Variants in PSKH1 observed in about 807,000 individuals in gnomAD.
PSKH1 encodes serine/threonine-protein kinase H1.
PSKH1 carries 12 observed loss-of-function variants against 26.7 expected under a neutral mutation model. The ratio of observed to expected loss-of-function variants is 0.45; its 90% CI spans 0.29 to 0.73. The LOEUF (loss-of-function observed/expected upper bound fraction) is 0.73. Among genes scored for constraint, PSKH1 ranks in the 30% least tolerant of loss-of-function variants. PSKH1 has a pLI of 0.11. For synonymous variants in PSKH1, 213 were observed against 234.3 expected (o/e 0.91, Z 0.83); for missense variants, 431 against 595.2 (o/e 0.72, Z 2.87).
chr16:67,927,794 C>T lies in PSKH1; in HGVS notation c.*152C>T. The T allele has an allele frequency of 1.1e-6, 1 of 937,728 alleles. No homozygotes were observed. The highest frequency in any genetic ancestry group is 1.6e-6 in the Non-Finnish European group (1 of 642,358). The allele number at this position is 937,728 out of a possible 1,614,324, so 58.1% of individuals were successfully genotyped here. A position where few individuals can be genotyped will look rare whatever the true frequency, so the allele number is the denominator to read the frequency against. ...AGCCCTTTCTCTGTGCCTTCAGCAGCCCCTGTCCTCACCATGGGCCTGGGC... is the reference window on the plus strand; with the variant it reads ...AGCCCTTTCTCTGTGCCTTCAGCAGTCCCTGTCCTCACCATGGGCCTGGGC... On this transcript the variant is annotated 3_prime_UTR_variant, in exon 3 of 3. Coordinates refer to ENST00000291041, the MANE Select transcript of PSKH1 (RefSeq NM_006742.3). The surrounding 1 kb of genome is among the most constrained non-coding windows in gnomAD (Gnocchi z 5.5).
intron 1 of PSKH1, among the ~76,000 whole-genome samples, chr16:67,906,364 G>A (rs141231719): frequency 0.03 from 4,461 of 146,664 alleles, 92 homozygotes; most frequent in Middle Eastern, 0.19. Flanking sequence ...GAGCCTCCGC[G>A]CCCAGCCTTT....
chr16:67,909,749 T>C lies in PSKH1; in HGVS notation c.957+43T>C. On this transcript the variant is annotated intron_variant, in intron 2 of 2. Coordinates refer to ENST00000291041, the MANE Select transcript of PSKH1 (RefSeq NM_006742.3). The surrounding 1 kb of genome is among the most constrained non-coding windows in gnomAD (Gnocchi z 7.8). ...CTGTCCTGGATGTTGGGGAGGCACC[T>C]GCGGGGGCAGGTATATCCTGCAGCT... 1 of 1,560,170 alleles carries C rather than the reference T, an allele frequency of 6.4e-7. No individual in the cohort carries two copies. The highest frequency in any genetic ancestry group is 1.1e-5 in the South Asian group (1 of 88,490).
At position 67,922,088 on chromosome 16, in the gene PSKH1, G is replaced by A. The variant is rs147541477; in HGVS notation, c.958-5237G>A. Among the ~76,000 whole-genome samples, 219 of 150,572 alleles carry A rather than the reference G, an allele frequency of 1.5e-3. 1 individual carries two copies. The highest frequency in any genetic ancestry group is 4.5e-3 in the African/African-American group (185 of 40,866). On this transcript the variant is annotated intron_variant, in intron 2 of 2. Coordinates refer to ENST00000291041, the MANE Select transcript of PSKH1 (RefSeq NM_006742.3). ...CTTTTCTGTTGCTTGCCCCTCACCC[G>A]CCCTCTGCCGAGTCCCAGGGTGGTA... is the stretch of plus-strand genomic sequence containing the variant.
At chr16:67,903,978 T>G (rs920948419) in intron 1 of PSKH1, among the ~76,000 whole-genome samples, 3 of 150,860 alleles carry the variant, frequency 2.0e-5, no homozygotes, top group Non-Finnish European at 4.4e-5. Context: ...GCCTCCAAAG[T>G]AACTGGGACT....
intron 2 of PSKH1, among the ~76,000 whole-genome samples, chr16:67,917,936 G>C (rs1052794109): frequency 6.6e-6 from 1 of 152,214 alleles, no homozygotes; most frequent in Non-Finnish European, 1.5e-5. Flanking sequence ...GGGCATGCTG[G>C]AAGTGGTGGG....
chr16:67,923,510 G>A (rs1050691688), intron 2 of PSKH1, among the ~76,000 whole-genome samples: 31 of 152,228 alleles, frequency 2.0e-4, no homozygotes, highest in African/African-American at 7.2e-4. Context: ...GAGAGTGGAG[G>A]CTGTCACCCT....
At chr16:67,894,351 G>T (rs1010438517) in intron 1 of PSKH1, among the ~76,000 whole-genome samples, 2 of 152,268 alleles carry the variant, frequency 1.3e-5, no homozygotes, top group South Asian at 4.1e-4. Flanking sequence ...CAGGGAGTCT[G>T]GCTTTGTTGC....
chr16:67,896,535 C>CTTTTTTTT (rs959626962), intron 1 of PSKH1, among the ~76,000 whole-genome samples: 4 of 80,952 alleles, frequency 4.9e-5, no homozygotes, highest in African/African-American at 2.1e-4. Flanking sequence ...TAGTGTGCTT[C>CTTTTTTTT]TTTTTTTTTT....
chr16:67,910,043 A>C lies in PSKH1; in HGVS notation c.957+337A>C, dbSNP rs1333768097. ...GCCACTGGGAACCTTGGTAATAACC[A>C]TGTGGAATGTGCCTCATAGTTGTAC... is the stretch of plus-strand genomic sequence containing the variant. On this transcript the variant is annotated intron_variant, in intron 2 of 2. Coordinates refer to ENST00000291041, the MANE Select transcript of PSKH1 (RefSeq NM_006742.3). The C allele has an allele frequency of 1.0e-5, 5 of 484,822 alleles. No homozygotes were observed. In the South Asian group the frequency reaches 2.4e-4, roughly 23 times the overall value. The allele number at this position is 484,822 out of a possible 1,614,324, so 30.0% of individuals were successfully genotyped here. A position where few individuals can be genotyped will look rare whatever the true frequency, so the allele number is the denominator to read the frequency against.
At chr16:67,904,821 A>ATTTT (rs942779122) in intron 1 of PSKH1, among the ~76,000 whole-genome samples, 3 of 115,940 alleles carry the variant, frequency 2.6e-5, no homozygotes, top group African/African-American at 6.7e-5. Context: ...TCCTTTTTTA[A>ATTTT]TTTTTTTTTT....
At chr16:67,921,675 A>C (rs960784937) in intron 2 of PSKH1, among the ~76,000 whole-genome samples, 30 of 152,148 alleles carry the variant, frequency 2.0e-4, no homozygotes, top group Non-Finnish European at 4.1e-4. Context: ...TGTAGATAAA[A>C]GAGATCACGC....
chr16:67,905,355 G>C (rs117100202), intron 1 of PSKH1, among the ~76,000 whole-genome samples: 6 of 152,100 alleles, frequency 3.9e-5, no homozygotes, highest in Non-Finnish European at 5.9e-5. Flanking sequence ...CCCATTCCTA[G>C]ATGCAGGATG....
chr16:67,929,628 T>C lies in PSKH1; in HGVS notation c.*1986T>C. The stretch of plus-strand genomic sequence containing the variant: ...ATTCAGTTTGTAAACGTATCCTCTG[T>C]ATTCAGTAAACAGGCTGCCTCTCCA... On this transcript the variant is annotated 3_prime_UTR_variant, in exon 3 of 3. Coordinates refer to ENST00000291041, the MANE Select transcript of PSKH1 (RefSeq NM_006742.3). The C allele has an allele frequency of 2.4e-6, 1 of 425,304 alleles. No individual in the cohort carries two copies. Among genetic ancestry groups the C allele is most frequent in the Non-Finnish European group, 4.3e-6 (1 of 231,010 alleles). 26.3% of individuals were successfully genotyped at this position (425,304 alleles called of 1,614,324 possible).
intron 1 of PSKH1, among the ~76,000 whole-genome samples, chr16:67,895,540 C>G (rs8061402): frequency 0.039 from 5,881 of 151,996 alleles, 304 homozygotes; most frequent in African/African-American, 0.12. Flanking sequence ...TCCCGAGTAG[C>G]TGGGATTACA....
intron 2 of PSKH1, among the ~76,000 whole-genome samples, chr16:67,925,568 C>A (rs1270596096): frequency 6.6e-6 from 1 of 152,092 alleles, no homozygotes; most frequent in Non-Finnish European, 1.5e-5. Flanking sequence ...CTCTCTGCGC[C>A]CACCCACAGC....
intron 2 of PSKH1, among the ~76,000 whole-genome samples, chr16:67,917,345 C>T (rs2058190620): frequency 6.6e-6 from 1 of 152,230 alleles, no homozygotes; most frequent in Non-Finnish European, 1.5e-5. Context: ...GTATGTGTGC[C>T]TCAGCACGTT....
Position 67,920,592 on chromosome 16 carries a change from G to A in PSKH1, c.958-6733G>A, listed in dbSNP as rs73594578. On this transcript the variant is annotated intron_variant, in intron 2 of 2. Coordinates refer to ENST00000291041, the MANE Select transcript of PSKH1 (RefSeq NM_006742.3). ...TTTAGATCCACTCATAGCATCCCAT[G>A]CTCATCCTCCTCCCACACCTACTGA... Among the ~76,000 whole-genome samples, 769 of 152,316 alleles carry A rather than the reference G, an allele frequency of 5.0e-3. 8 individuals carry two copies. Among genetic ancestry groups the A allele is most frequent in the African/African-American group, 0.018 (729 of 41,574 alleles).
intron 2 of PSKH1, among the ~76,000 whole-genome samples, chr16:67,920,819 A>G (rs1183757139): frequency 6.6e-6 from 1 of 152,130 alleles, no homozygotes; most frequent in East Asian, 1.9e-4. Flanking sequence ...GCCAGCTTGG[A>G]GCAGAAGGCT....
At chr16:67,900,717 C>T (rs2058139286) in intron 1 of PSKH1, among the ~76,000 whole-genome samples, 1 of 152,164 alleles carries the variant, frequency 6.6e-6, no homozygotes, top group African/African-American at 2.4e-5. Flanking sequence ...CATTGCCACA[C>T]TCTGTCCAAT....
Sources: gnomAD v4.1 joint callset for allele counts (sites outside exome capture counted in the v4.1 genomes callset) on GRCh38, gnomAD v4.1.1 for gene constraint, Gnocchi (gnomAD v3.1) non-coding constraint, MANE v1.5 for transcripts, NCBI Gene and HGNC (gene_info 2026-07-23, HGNC 2026-07-21) for gene names.